The following COL24A1 variants were observed in gnomAD, a reference collection of about 807,000 sequenced individuals.
The protein encoded by COL24A1 is collagen type XXIV alpha 1 chain, also known as collagen alpha-1(XXIV) chain.
Under a neutral mutation model 253.9 loss-of-function variants are expected in COL24A1, and 224 were observed. That is an observed-to-expected ratio of 0.88 (90% CI 0.79 to 0.99). COL24A1 has a LOEUF of 0.99. Among genes scored for constraint, COL24A1 ranks in the 50% least tolerant of loss-of-function variants. The probability of loss-of-function intolerance (pLI) is 0.00; values close to 1 mark genes in which losing one functional copy is unlikely to be tolerated. For synonymous variants in COL24A1, 685 were observed against 673.7 expected (o/e 1.02, Z -0.26); for missense variants, 2,131 against 2,068.5 (o/e 1.03, Z -0.59).
intron 35 of COL24A1, among the ~76,000 whole-genome samples, chr1:85,870,231 C>A (rs1259628505): frequency 1.3e-5 from 2 of 152,206 alleles, no homozygotes; most frequent in Middle Eastern, 3.4e-3. Flanking sequence ...GACTTAGACT[C>A]CCACACAATA....
At chr1:86,007,327 G>C (rs866345625) in intron 19 of COL24A1, among the ~76,000 whole-genome samples, 16 of 152,148 alleles carry the variant, frequency 1.1e-4, no homozygotes, top group Non-Finnish European at 2.2e-4. Context: ...GACACCAAAT[G>C]CTGGTGAGGA....
intron 1 of COL24A1, among the ~76,000 whole-genome samples, chr1:86,151,908 T>C (rs897352830): frequency 6.6e-6 from 1 of 152,124 alleles, no homozygotes; most frequent in Non-Finnish European, 1.5e-5. Context: ...CAATTGAAAA[T>C]GGTGAACAAA....
chr1:85,986,014 T>G (rs1026687500), intron 20 of COL24A1, among the ~76,000 whole-genome samples: 68 of 151,854 alleles, frequency 4.5e-4, no homozygotes, highest in Non-Finnish European at 2.9e-5. Flanking sequence ...ATACATCCCC[T>G]TGTCTGCTTC....
intron 58 of COL24A1, chr1:85,736,385 G>A (rs780886479): frequency 2.2e-5 from 10 of 456,152 alleles, no homozygotes; most frequent in Non-Finnish European, 4.0e-5. Context: ...AGTTCACACA[G>A]CCCCATCTTC....
chr1:85,986,112 T>A (rs1693700929), intron 20 of COL24A1, among the ~76,000 whole-genome samples: 1 of 151,874 alleles, frequency 6.6e-6, no homozygotes, highest in Non-Finnish European at 1.5e-5. Context: ...TCTCACAGTA[T>A]TGCTGATTAT....
intron 27 of COL24A1, among the ~76,000 whole-genome samples, chr1:85,907,987 A>G (rs1055649351): frequency 6.6e-6 from 1 of 151,768 alleles, no homozygotes; most frequent in Non-Finnish European, 1.5e-5. Flanking sequence ...ATACTAGAAA[A>G]TTGGGCTTAT....
chr1:86,151,666 A>G (rs1652794129), intron 1 of COL24A1, among the ~76,000 whole-genome samples: 1 of 152,226 alleles, frequency 6.6e-6, no homozygotes, highest in African/African-American at 2.4e-5. Context: ...CATCGTTCCT[A>G]GATGATTCTT....
rs772429771 is a variant in COL24A1 at position 86,156,425 on chromosome 1, G to C, written c.-29C>G. On this transcript the variant is annotated 5_prime_UTR_variant, in exon 1 of 60. Coordinates refer to ENST00000370571, the MANE Select transcript of COL24A1 (RefSeq NM_152890.7). ...TATGCATTTGTCCGTGCAGCAAAGCGCTAACGGAAAACAGAAGCCAACTCT... is the reference window on the plus strand; with the variant it reads ...TATGCATTTGTCCGTGCAGCAAAGCCCTAACGGAAAACAGAAGCCAACTCT... The C allele has an allele frequency of 6.2e-7, 1 of 1,604,106 alleles. No homozygotes were observed. Among genetic ancestry groups the C allele is most frequent in the Non-Finnish European group, 8.5e-7 (1 of 1,175,318 alleles).
At chr1:85,797,671 T>C (rs1670980280) in intron 47 of COL24A1, among the ~76,000 whole-genome samples, 1 of 152,226 alleles carries the variant, frequency 6.6e-6, no homozygotes, top group Admixed American at 6.5e-5. Flanking sequence ...CTCAGCTTCC[T>C]TTTCTGTAAA....
In COL24A1 at chr1:85,729,776, CT is replaced by C. The variant is rs1663303039; in HGVS notation, c.*769del. 1 of 152,478 alleles carries C rather than the reference CT, an allele frequency of 6.6e-6. No individual in the cohort carries two copies. 9.4% of individuals were successfully genotyped at this position (152,478 alleles called of 1,614,324 possible). A position where few individuals can be genotyped will look rare whatever the true frequency, so the allele number is the denominator to read the frequency against. ...AAAACAAAAACAAAGAAATCTAATTCTTTTGCGTACAAGCACAGGTTACAAT... is the reference window on the plus strand; with the variant it reads ...AAAACAAAAACAAAGAAATCTAATTCTTTGCGTACAAGCACAGGTTACAAT... On this transcript the variant is annotated 3_prime_UTR_variant, in exon 60 of 60. Transcript: ENST00000370571.
intron 52 of COL24A1, among the ~76,000 whole-genome samples, chr1:85,780,077 G>C (rs1668995176): frequency 1.3e-5 from 2 of 152,108 alleles, no homozygotes; most frequent in South Asian, 4.1e-4. Flanking sequence ...TTAGCTTGCT[G>C]AAGAACCACT....
chr1:86,156,312 C>A, intron 1 of COL24A1, 29 bp downstream of exon 1: 1 of 1,606,304 alleles, frequency 6.2e-7, no homozygotes, highest in Non-Finnish European at 8.5e-7. Context: ...GGTCTAACCC[C>A]TACCCTACCC....
chr1:85,873,926 A>T (rs1312124368), intron 35 of COL24A1, among the ~76,000 whole-genome samples: 2 of 152,194 alleles, frequency 1.3e-5, no homozygotes, highest in Non-Finnish European at 2.9e-5. Flanking sequence ...CTATTAAAGT[A>T]GGACTGGCTC....
chr1:86,104,533 T>C (rs2102070589), intron 5 of COL24A1, among the ~76,000 whole-genome samples: 1 of 152,342 alleles, frequency 6.6e-6, no homozygotes, highest in Non-Finnish European at 1.5e-5. Flanking sequence ...TTGAAATTGA[T>C]GTCCTTTGAA....
rs1455589618 is a variant in COL24A1, at chr1:86,022,814, A to C, written c.2148+19T>G. On this transcript the variant is annotated intron_variant, in intron 16 of 59. Coordinates refer to ENST00000370571, the MANE Select transcript of COL24A1 (RefSeq NM_152890.7). The stretch of plus-strand genomic sequence containing the variant: ...AAATGTGATAAAAATTATTTTTATA[A>C]TATTAATATTTAAATCACCTTATCA... The C allele has an allele frequency of 7.1e-7, 1 of 1,404,214 alleles. No individual in the cohort carries two copies. Among genetic ancestry groups the C allele is most frequent in the Non-Finnish European group, 9.4e-7 (1 of 1,063,992 alleles). The allele number at this position is 1,404,214 out of a possible 1,614,324, so 87.0% of individuals were successfully genotyped here. A position where few individuals can be genotyped will look rare whatever the true frequency, so the allele number is the denominator to read the frequency against.
chr1:85,863,447 C>T (rs1679398466), intron 37 of COL24A1, among the ~76,000 whole-genome samples: 1 of 152,004 alleles, frequency 6.6e-6, no homozygotes, highest in South Asian at 2.1e-4. Flanking sequence ...CCATAAAAAC[C>T]CTAGAAGAAA....
At chr1:85,775,029 T>C (rs904959876) in intron 53 of COL24A1, among the ~76,000 whole-genome samples, 1 of 152,192 alleles carries the variant, frequency 6.6e-6, no homozygotes, top group African/African-American at 2.4e-5. Context: ...TTTCCCTCTA[T>C]ACACTGCTTT....
intron 34 of COL24A1, among the ~76,000 whole-genome samples, chr1:85,875,022 G>T (rs2086495): frequency 0.19 from 29,494 of 152,216 alleles, 3,226 homozygotes; most frequent in Non-Finnish European, 0.24. Flanking sequence ...AGGTAGGACA[G>T]TTTCATCCTG....
At chr1:85,918,776 T>G (rs775317302) in intron 24 of COL24A1, among the ~76,000 whole-genome samples, 16 of 152,164 alleles carry the variant, frequency 1.1e-4, no homozygotes, top group Non-Finnish European at 2.2e-4. Flanking sequence ...CCCAAGCAAT[T>G]GTAATTTACC....
Sources: gnomAD v4.1 joint callset for allele counts (sites outside exome capture counted in the v4.1 genomes callset) on GRCh38, gnomAD v4.1.1 for gene constraint, MANE v1.5 for transcripts, NCBI Gene and HGNC (gene_info 2026-07-23, HGNC 2026-07-21) for gene names.